Variants in MACROD2 observed in about 807,000 individuals in gnomAD.
The protein encoded by MACROD2 is mono-ADP ribosylhydrolase 2.
Under a neutral mutation model 70.4 loss-of-function variants are expected in MACROD2, and 36 were observed. The ratio of observed to expected loss-of-function variants is 0.51; its 90% CI spans 0.39 to 0.68. MACROD2 has a LOEUF of 0.68. Ranked by LOEUF, MACROD2 falls within the 30% of genes least tolerant of loss-of-function variation. The pLI is 0.00. For synonymous variants in MACROD2, 172 were observed against 178.8 expected, an observed-to-expected ratio of 0.96 and a Z score of 0.30; for missense variants, 496 against 538.4, an observed-to-expected ratio of 0.92 and a Z score of 0.78.
chr20:14,763,577 C>A (rs1451638271), intron 5 of MACROD2, among the ~76,000 whole-genome samples: 1 of 152,006 alleles, frequency 6.6e-6, no homozygotes, highest in African/African-American at 2.4e-5. Context: ...AGAAGAAGTT[C>A]TTGAGATACT....
At chr20:14,036,337 T>A (rs993857018) in intron 2 of MACROD2, among the ~76,000 whole-genome samples, 1 of 152,226 alleles carries the variant, frequency 6.6e-6, no homozygotes, top group Non-Finnish European at 1.5e-5. Flanking sequence ...ACATTTTTGC[T>A]TAGTGTACTT....
intron 3 of MACROD2, among the ~76,000 whole-genome samples, chr20:14,088,567 A>T (rs1167715976): frequency 6.6e-6 from 1 of 152,144 alleles, no homozygotes; most frequent in Non-Finnish European, 1.5e-5. Flanking sequence ...AATTGATCAT[A>T]TCTACTTCCT....
intron 5 of MACROD2, among the ~76,000 whole-genome samples, chr20:15,215,911 C>A (rs1015578624): frequency 6.6e-6 from 1 of 151,984 alleles, no homozygotes; most frequent in African/African-American, 2.4e-5. Flanking sequence ...TAATGTACAG[C>A]AGATAAAATA....
intron 5 of MACROD2, among the ~76,000 whole-genome samples, chr20:14,730,643 G>A (rs2123701385): frequency 6.6e-6 from 1 of 152,184 alleles, no homozygotes; most frequent in Middle Eastern, 3.4e-3. Flanking sequence ...TTCAAGAAGA[G>A]AATCCTAAAA....
chr20:14,267,537 A>G (rs1235720673), intron 3 of MACROD2, among the ~76,000 whole-genome samples: 1 of 152,118 alleles, frequency 6.6e-6, no homozygotes, highest in Non-Finnish European at 1.5e-5. Flanking sequence ...TCTATTTTAA[A>G]TTTCAAGAAG....
At chr20:16,036,663 A>G (rs2067240790) in intron 15 of MACROD2, among the ~76,000 whole-genome samples, 2 of 152,094 alleles carry the variant, frequency 1.3e-5, no homozygotes, top group African/African-American at 4.8e-5. Flanking sequence ...TCTATGTGAA[A>G]TGGATTCATT....
At chr20:15,858,374 T>C (rs6079992) in intron 8 of MACROD2, among the ~76,000 whole-genome samples, 89,837 of 151,930 alleles carry the variant, frequency 0.59, 28,010 homozygotes, top group Middle Eastern at 0.72. Flanking sequence ...GTATGGGGCA[T>C]ATGGGCCCTT....
At chr20:15,853,496 G>A (rs75093133) in intron 8 of MACROD2, among the ~76,000 whole-genome samples, 8,256 of 152,222 alleles carry the variant, frequency 0.054, 386 homozygotes, top group East Asian at 0.22. Context: ...CTTTAAATTT[G>A]GAACAGATGT....
At chr20:15,746,856 C>T (rs2051192056) in intron 8 of MACROD2, among the ~76,000 whole-genome samples, 1 of 151,890 alleles carries the variant, frequency 6.6e-6, no homozygotes, top group Non-Finnish European at 1.5e-5. Flanking sequence ...AGAAAATAAG[C>T]CAAAATGAAA....
At chr20:16,019,246 G>T (rs559572145) in intron 15 of MACROD2, among the ~76,000 whole-genome samples, 1 of 152,256 alleles carries the variant, frequency 6.6e-6, no homozygotes, top group Admixed American at 6.5e-5. Flanking sequence ...GGTATAAAAT[G>T]GTACCATACA....
chr20:14,123,766 G>T (rs574598887), intron 3 of MACROD2, among the ~76,000 whole-genome samples: 1 of 152,216 alleles, frequency 6.6e-6, no homozygotes, highest in East Asian at 1.9e-4. Flanking sequence ...AGGGAAGGAA[G>T]GGAGGAATCA....
At chr20:15,492,104 T>G (rs1242802319) in intron 7 of MACROD2, among the ~76,000 whole-genome samples, 3 of 152,202 alleles carry the variant, frequency 2.0e-5, no homozygotes, top group Non-Finnish European at 4.4e-5. Context: ...GCAGTGTCAC[T>G]CTTATTACTT....
chr20:14,684,609 C>A (rs973108318), intron 4 of MACROD2, among the ~76,000 whole-genome samples: 23 of 151,384 alleles, frequency 1.5e-4, no homozygotes, highest in African/African-American at 5.1e-4. Flanking sequence ...TAGCACACAA[C>A]TTCTATAACC....
chr20:15,937,841 A>C (rs2065689525), intron 12 of MACROD2, among the ~76,000 whole-genome samples: 1 of 152,066 alleles, frequency 6.6e-6, no homozygotes, highest in African/African-American at 2.4e-5. Flanking sequence ...TTATGTTTAG[A>C]GATGTTTATT....
At chr20:15,209,103 G>T (rs979939979) in intron 5 of MACROD2, among the ~76,000 whole-genome samples, 1 of 148,740 alleles carries the variant, frequency 6.7e-6, no homozygotes, top group Admixed American at 6.7e-5. Context: ...GGTGGTGGTG[G>T]TGGTGGTGGT....
intron 5 of MACROD2, among the ~76,000 whole-genome samples, chr20:15,147,241 T>C (rs455205): frequency 0.59 from 89,619 of 152,000 alleles, 26,552 homozygotes; most frequent in East Asian, 0.65. Flanking sequence ...TGCTGTCATC[T>C]TGAAATGACA....
At chr20:15,167,730 T>C (rs1468473201) in intron 5 of MACROD2, among the ~76,000 whole-genome samples, 1 of 152,154 alleles carries the variant, frequency 6.6e-6, no homozygotes, top group Admixed American at 6.6e-5. Flanking sequence ...TTTATCCTCA[T>C]GGCTCCACCC....
At chr20:13,998,217 A>C (rs1053956116) in intron 1 of MACROD2, among the ~76,000 whole-genome samples, 1 of 152,140 alleles carries the variant, frequency 6.6e-6, no homozygotes, top group Non-Finnish European at 1.5e-5. Flanking sequence ...TTGTTTAAAC[A>C]AGTAATTAAG....
rs954987104 is a variant in MACROD2, at chr20:14,455,050, G to T, written c.272-38429G>T. Among the ~76,000 whole-genome samples, 6 of 151,710 alleles carry T rather than the reference G, an allele frequency of 4.0e-5. No homozygotes were observed. In the East Asian group the frequency reaches 1.2e-3, roughly 29 times the overall value. On this transcript the variant is annotated intron_variant, in intron 3 of 17. Transcript: ENST00000684519. ...ACTCTTTCTGTTGCACTGTGCTGTCGCATATCTTGCTGTGCATTTCACATT... is the reference window on the plus strand; with the variant it reads ...ACTCTTTCTGTTGCACTGTGCTGTCTCATATCTTGCTGTGCATTTCACATT...
Sources: gnomAD v4.1 joint callset for allele counts (sites outside exome capture counted in the v4.1 genomes callset) on GRCh38, gnomAD v4.1.1 for gene constraint, MANE v1.5 for transcripts, NCBI Gene and HGNC (gene_info 2026-07-23, HGNC 2026-07-21) for gene names.